Variants in RORA observed in about 807,000 individuals in gnomAD.
RORA encodes nuclear receptor ROR-alpha.
A neutral mutation model predicts 69.5 loss-of-function variants in RORA; 7 were observed. The ratio of observed to expected loss-of-function variants is 0.10; its 90% CI spans 0.06 to 0.19. The LOEUF (loss-of-function observed/expected upper bound fraction) is 0.19. RORA is among the 10% of genes least tolerant of loss of function. RORA has a pLI of 1.00. For synonymous variants in RORA, 261 were observed against 240.8 expected, an observed-to-expected ratio of 1.08 and a Z score of -0.78; for missense variants, 457 against 663.0, an observed-to-expected ratio of 0.69 and a Z score of 3.41.
chr15:61,222,417 C>T (rs539508140), intron 1 of RORA, among the ~76,000 whole-genome samples: 118 of 152,310 alleles, frequency 7.7e-4, no homozygotes, highest in South Asian at 2.1e-3. Flanking sequence ...ACCTATAATT[C>T]CTTTTAGCAT....
In RORA at chr15:60,534,786, G is replaced by A. The variant is rs918774378; in HGVS notation, c.197-2935C>T. 6.6e-6 allele frequency among the ~76,000 whole-genome samples: 1 copy of A among 152,114 alleles called. No individual in the cohort carries two copies. The highest frequency in any genetic ancestry group is 1.5e-5 in the Non-Finnish European group (1 of 68,030). On this transcript the variant is annotated intron_variant, in intron 2 of 10. Transcript: ENST00000335670. The surrounding 1 kb of genome is among the most constrained non-coding windows in gnomAD (Gnocchi z 5.0). ...TGAATGTGATCTGATCACACGTGTT[G>A]ATATTCCCAGAAAGCGAGCATTTGC...
chr15:61,184,774 C>T (rs967899961), intron 1 of RORA, among the ~76,000 whole-genome samples: 17 of 151,810 alleles, frequency 1.1e-4, no homozygotes, highest in African/African-American at 3.1e-4. Context: ...TACTTGAGGC[C>T]AGATTGTTCA....
intron 1 of RORA, among the ~76,000 whole-genome samples, chr15:60,931,695 A>G (rs1892377887): frequency 6.6e-6 from 1 of 152,206 alleles, no homozygotes; most frequent in African/African-American, 2.4e-5. Flanking sequence ...GCCACCAGCC[A>G]CTGTGAGGAC....
intron 1 of RORA, among the ~76,000 whole-genome samples, chr15:61,140,232 A>G (rs552710582): frequency 4.9e-4 from 75 of 152,350 alleles, no homozygotes; most frequent in African/African-American, 1.7e-3. Context: ...GTATACGCAG[A>G]AGGCCCAACA....
chr15:61,038,441 A>C (rs907296138), intron 1 of RORA, among the ~76,000 whole-genome samples: 1 of 152,224 alleles, frequency 6.6e-6, no homozygotes, highest in Non-Finnish European at 1.5e-5. Flanking sequence ...CAATAGAACC[A>C]ATCTGAATTC....
intron 1 of RORA, among the ~76,000 whole-genome samples, chr15:61,101,842 G>T (rs2078884812): frequency 2.0e-5 from 3 of 152,012 alleles, no homozygotes; most frequent in African/African-American, 4.8e-5. Context: ...GACCGGGTGG[G>T]GACAGCAGAC....
intron 1 of RORA, among the ~76,000 whole-genome samples, chr15:61,150,111 A>G (rs1596028665): frequency 6.6e-6 from 1 of 152,156 alleles, no homozygotes; most frequent in African/African-American, 2.4e-5. Flanking sequence ...CAGGACTAAC[A>G]CCCCTTATAA....
intron 1 of RORA, among the ~76,000 whole-genome samples, chr15:61,161,001 A>G (rs1038568507): frequency 6.6e-6 from 1 of 152,162 alleles, no homozygotes; most frequent in African/African-American, 2.4e-5. Flanking sequence ...TTAAAAGCCA[A>G]TTGTATTTCA....
Position 60,569,570 on chromosome 15 carries a change from G to C in RORA, c.197-37719C>G, listed in dbSNP as rs1459125489. ...TGGTCCTCACCATAAAGGGGCGGAA[G>C]GGTGGTGGTTAAAAGGGGGAAACAG... On this transcript the variant is annotated intron_variant, in intron 2 of 10. Transcript: ENST00000335670. Among the ~76,000 whole-genome samples, 6 of 152,190 alleles carry C rather than the reference G, an allele frequency of 3.9e-5. No homozygotes were observed. The East Asian group carries it at 1.2e-3, about 29-fold the overall frequency.
intron 1 of RORA, among the ~76,000 whole-genome samples, chr15:60,792,895 G>T (rs1188944149): frequency 6.6e-6 from 1 of 152,116 alleles, no homozygotes; most frequent in African/African-American, 2.4e-5. Flanking sequence ...CCAGTGGGTA[G>T]CAAATTTATA....
At chr15:61,228,959 C>T (rs2080174515) in intron 1 of RORA, 94 bp downstream of exon 1, 2 of 485,962 alleles carry the variant, frequency 4.1e-6, no homozygotes, top group Non-Finnish European at 5.3e-6. Context: ...GCGCGGCCGC[C>T]GGACCCCGCG....
At position 60,516,057 on chromosome 15, in the gene RORA, T is replaced by TTATATATATTTA. The variant is rs1567051652; in HGVS notation, c.283-1312_283-1301dup. On this transcript the variant is annotated intron_variant, in intron 3 of 10. Coordinates refer to ENST00000335670, the MANE Select transcript of RORA (RefSeq NM_134261.3). ...TATATATTTATATATTTATATATAT[T>TTATATATATTTA]TATATATATTTATATATATTTATTT... Among the ~76,000 whole-genome samples, 47 of 6,080 alleles carry TTATATATATTTA rather than the reference T, an allele frequency of 7.7e-3. 10 individuals are homozygous for TTATATATATTTA. Among genetic ancestry groups the TTATATATATTTA allele is most frequent in the Non-Finnish European group, 0.014 (43 of 3,154 alleles). The allele number at this position is 6,080 out of a possible 152,430, so 4.0% of individuals were successfully genotyped here. A position where few individuals can be genotyped will look rare whatever the true frequency, so the allele number is the denominator to read the frequency against.
At chr15:60,891,051 CA>C (rs2073807913) in intron 1 of RORA, among the ~76,000 whole-genome samples, 1 of 152,186 alleles carries the variant, frequency 6.6e-6, no homozygotes, top group African/African-American at 2.4e-5. Flanking sequence ...ATGTTCAAAA[CA>C]GGGGGGAGAT....
intron 1 of RORA, among the ~76,000 whole-genome samples, chr15:60,782,441 A>G (rs2072277234): frequency 6.6e-6 from 1 of 152,234 alleles, no homozygotes; most frequent in South Asian, 2.1e-4. Context: ...AAACTTTTCA[A>G]TAAGGACAGC....
intron 1 of RORA, among the ~76,000 whole-genome samples, chr15:60,978,908 G>A (rs1893950470): frequency 6.8e-6 from 1 of 148,012 alleles, no homozygotes. Context: ...ATTGGTAACT[G>A]TGGCTTTGTA....
chr15:60,823,486 C>G (rs1160681640), intron 1 of RORA, among the ~76,000 whole-genome samples: 1 of 152,198 alleles, frequency 6.6e-6, no homozygotes, highest in African/African-American at 2.4e-5. Context: ...TGGATAGAGG[C>G]CACACATGTT....
chr15:60,663,574 G>GC (rs901092724), intron 2 of RORA, among the ~76,000 whole-genome samples: 1 of 152,162 alleles, frequency 6.6e-6, no homozygotes, highest in Non-Finnish European at 1.5e-5. Context: ...TCTTGCCTCA[G>GC]CCCCCCAAGT....
At chr15:60,972,833 A>C (rs66687463) in intron 1 of RORA, among the ~76,000 whole-genome samples, 44,942 of 152,054 alleles carry the variant, frequency 0.3, 7,192 homozygotes, top group African/African-American at 0.43. Context: ...CAAAAGAATA[A>C]GTTCTCTTAA....
At chr15:60,776,136 C>T (rs1224169213) in intron 1 of RORA, among the ~76,000 whole-genome samples, 3 of 152,060 alleles carry the variant, frequency 2.0e-5, no homozygotes, top group Non-Finnish European at 2.9e-5. Flanking sequence ...ACAGCACCCA[C>T]GATATTGTGA....
Sources: allele counts gnomAD v4.1 joint callset (sites outside exome capture counted in the v4.1 genomes callset), GRCh38; gene constraint gnomAD v4.1.1; non-coding constraint Gnocchi (gnomAD v3.1); transcripts MANE v1.5; gene names NCBI Gene and HGNC (gene_info 2026-07-23, HGNC 2026-07-21).